Variants in KCNK10 observed in about 807,000 individuals in gnomAD.
The protein encoded by KCNK10 is potassium channel subfamily K member 10.
KCNK10 carries 25 observed loss-of-function variants against 47.7 expected under a neutral mutation model. That is an observed-to-expected ratio of 0.52 (90% CI 0.38 to 0.73). The LOEUF is 0.73. Ranked by LOEUF, KCNK10 falls within the 30% of genes least tolerant of loss-of-function variation. KCNK10 has a pLI of 0.00. For synonymous variants in KCNK10, 303 were observed against 285.6 expected (o/e 1.06, Z -0.61); for missense variants, 563 against 714.5 (o/e 0.79, Z 2.42).
chr14:88,222,186 C>T (rs549944789), intron 4 of KCNK10, among the ~76,000 whole-genome samples: 3 of 152,242 alleles, frequency 2.0e-5, no homozygotes, highest in South Asian at 2.1e-4. Flanking sequence ...TATCAAATCT[C>T]GTGAGGCTTA....
intron 1 of KCNK10, among the ~76,000 whole-genome samples, chr14:88,298,480 T>C (rs1472672718): frequency 6.6e-6 from 1 of 152,162 alleles, no homozygotes; most frequent in African/African-American, 2.4e-5. Flanking sequence ...CCTCCACTGC[T>C]CCACGCCTTA....
chr14:88,269,393 T>C (rs565439226), intron 1 of KCNK10, among the ~76,000 whole-genome samples: 320 of 152,330 alleles, frequency 2.1e-3, no homozygotes, highest in Non-Finnish European at 3.2e-3. Context: ...TCAGAGTTAA[T>C]GGAAGAATTA....
At chr14:88,199,162 C>T (rs1356191225) in intron 4 of KCNK10, among the ~76,000 whole-genome samples, 1 of 152,050 alleles carries the variant, frequency 6.6e-6, no homozygotes, top group Non-Finnish European at 1.5e-5. Flanking sequence ...TCAAGTGATC[C>T]ACCCGCCTCG....
chr14:88,204,501 G>GCCT (rs963496382), intron 4 of KCNK10, among the ~76,000 whole-genome samples: 32 of 151,848 alleles, frequency 2.1e-4, no homozygotes, highest in Admixed American at 1.0e-3. Flanking sequence ...GCCTCATGCT[G>GCCT]CCTCCTCCTC....
chr14:88,321,565 C>T (rs1005237398), intron 1 of KCNK10, among the ~76,000 whole-genome samples: 2 of 152,116 alleles, frequency 1.3e-5, no homozygotes, highest in African/African-American at 4.8e-5. Context: ...AGGCACACCT[C>T]CATATTTCCA....
At chr14:88,301,857 G>C (rs1888107241) in intron 1 of KCNK10, among the ~76,000 whole-genome samples, 1 of 152,146 alleles carries the variant, frequency 6.6e-6, no homozygotes, top group African/African-American at 2.4e-5. Context: ...GGAACCGATA[G>C]AGAATTTTAA....
At chr14:88,216,611 C>A (rs537325489) in intron 4 of KCNK10, among the ~76,000 whole-genome samples, 70 of 152,282 alleles carry the variant, frequency 4.6e-4, no homozygotes, top group Non-Finnish European at 9.3e-4. Context: ...CATGGAAAAA[C>A]TGTCATGGAC....
At chr14:88,321,043 C>A (rs1360128214) in intron 1 of KCNK10, among the ~76,000 whole-genome samples, 1 of 152,140 alleles carries the variant, frequency 6.6e-6, no homozygotes, top group Non-Finnish European at 1.5e-5. Flanking sequence ...CCAGAGGTTT[C>A]AAATAGAGAC....
intron 3 of KCNK10, among the ~76,000 whole-genome samples, chr14:88,233,078 T>C (rs1310173135): frequency 6.6e-6 from 1 of 152,178 alleles, no homozygotes; most frequent in South Asian, 2.1e-4. Context: ...ACCCAAAGCA[T>C]GTATTGGGAT....
chr14:88,284,847 C>G (rs1173712947), intron 1 of KCNK10, among the ~76,000 whole-genome samples: 1 of 152,112 alleles, frequency 6.6e-6, no homozygotes, highest in Non-Finnish European at 1.5e-5. Context: ...CAATATTAAC[C>G]ATCAAAATGA....
At chr14:88,326,464 G>A (rs771728638), upstream of KCNK10, 1 of 1,612,764 alleles carries the variant, frequency 6.2e-7, no homozygotes, top group Non-Finnish European at 8.5e-7. Context: ...ATCCAAGAAA[G>A]ATGCCGCTCC....
chr14:88,233,486 A>T lies in KCNK10; in HGVS notation c.521-5951T>A, dbSNP rs1056209979. ...TGGATTTCTTAGTCTAGACAAGGTGATTGTTCACCTGAGGCCTGGGGACAA... is the reference window on the plus strand; with the variant it reads ...TGGATTTCTTAGTCTAGACAAGGTGTTTGTTCACCTGAGGCCTGGGGACAA... On this transcript the variant is annotated intron_variant, in intron 3 of 6. Coordinates refer to ENST00000319231, the MANE Select transcript of KCNK10 (RefSeq NM_138317.3). Among the ~76,000 whole-genome samples, 34 of 152,296 alleles carry T rather than the reference A, an allele frequency of 2.2e-4. 1 individual carries two copies. Among genetic ancestry groups the T allele is most frequent in the Admixed American group, 1.8e-3 (28 of 15,288 alleles).
chr14:88,262,532 G>A (rs755907813), intron 2 of KCNK10, among the ~76,000 whole-genome samples: 15 of 152,156 alleles, frequency 9.9e-5, no homozygotes, highest in Non-Finnish European at 1.9e-4. Context: ...TCGCCCAGAA[G>A]TGTTGCCTTG....
intron 1 of KCNK10, among the ~76,000 whole-genome samples, chr14:88,315,574 T>G (rs911118665): frequency 1.3e-5 from 2 of 152,168 alleles, no homozygotes; most frequent in African/African-American, 2.4e-5. Flanking sequence ...ATATTTGGTG[T>G]GTGATTATTT....
chr14:88,180,785 C>G lies in KCNK10; in HGVS notation c.*4750G>C. ...TGGAGTATGGATGGGTTGGTGAAGT[C>G]CAATGAAGGTATGGTGCAGAGACAG... On this transcript the variant is annotated 3_prime_UTR_variant, in exon 7 of 7. Coordinates refer to ENST00000319231, the MANE Select transcript of KCNK10 (RefSeq NM_138317.3). 5.0e-6 allele frequency: 2 copies of G among 398,662 alleles called. No homozygotes were observed. Among genetic ancestry groups the G allele is most frequent in the Non-Finnish European group, 4.4e-6 (1 of 226,060 alleles). 24.7% of individuals were successfully genotyped at this position (398,662 alleles called of 1,614,324 possible).
intron 1 of KCNK10, among the ~76,000 whole-genome samples, chr14:88,293,753 G>A (rs761895598): frequency 6.6e-5 from 10 of 151,888 alleles, no homozygotes; most frequent in Non-Finnish European, 1.2e-4. Context: ...ATAGCTCACC[G>A]TAACTTTGAA....
Position 88,274,566 on chromosome 14 carries a change from A to AAAAAAAAAAAAAAAAAAAAT in KCNK10, c.53-11016_53-11015insATTTTTTTTTTTTTTTTTTT, listed in dbSNP as rs55899872. Among the ~76,000 whole-genome samples the AAAAAAAAAAAAAAAAAAAAT allele has an allele frequency of 2.6e-4, 36 of 139,650 alleles. 3 individuals carry two copies. The highest frequency in any genetic ancestry group is 1.1e-3 in the African/African-American group (36 of 32,170). 91.6% of individuals were successfully genotyped at this position (139,650 alleles called of 152,430 possible). ...ACTCTATCTAAAAAAAAAAAAAAAA[A>AAAAAAAAAAAAAAAAAAAAT]GATCTTATGGCTTAAGTCCGTAACA... On this transcript the variant is annotated intron_variant, in intron 1 of 6. Transcript: ENST00000319231.
chr14:88,201,990 G>A (rs1379766236), intron 4 of KCNK10, among the ~76,000 whole-genome samples: 1 of 152,188 alleles, frequency 6.6e-6, no homozygotes, highest in Non-Finnish European at 1.5e-5. Context: ...CTTTACAAGA[G>A]TATTCTCTTT....
Position 88,225,949 on chromosome 14 carries a change from C to T in KCNK10, c.681+1426G>A, listed in dbSNP as rs567676282. 3.4e-4 allele frequency among the ~76,000 whole-genome samples: 52 copies of T among 152,310 alleles called. No individual in the cohort carries two copies. In the South Asian group the frequency reaches 0.011, roughly 31 times the overall value. On this transcript the variant is annotated intron_variant, in intron 4 of 6. Coordinates refer to ENST00000319231, the MANE Select transcript of KCNK10 (RefSeq NM_138317.3). ...CAGGTGCACGGTCTAATGAGGCCAC[C>T]GGCCAGCCAGCATGAAGGAGCAAAG...
Sources: allele counts gnomAD v4.1 joint callset (sites outside exome capture counted in the v4.1 genomes callset), GRCh38; gene constraint gnomAD v4.1.1; transcripts MANE v1.5; gene names NCBI Gene and HGNC (gene_info 2026-07-23, HGNC 2026-07-21).